The following ZZEF1 variants were observed in gnomAD, a reference collection of about 807,000 sequenced individuals.
The protein encoded by ZZEF1 is zinc finger ZZ-type and EF-hand domain-containing protein 1.
ZZEF1 carries 157 observed loss-of-function variants against 342.8 expected under a neutral mutation model. The ratio of observed to expected loss-of-function variants is 0.46; its 90% CI spans 0.40 to 0.52. The LOEUF (loss-of-function observed/expected upper bound fraction) is 0.52. Among genes scored for constraint, ZZEF1 ranks in the 20% least tolerant of loss-of-function variants. The pLI is 0.00. For missense variants in ZZEF1, 3,480 were observed against 3,725.6 expected (o/e 0.93, Z 1.72); for synonymous variants, 1,505 against 1,429.1 (o/e 1.05, Z -1.20).
At chr17:4,060,706 T>C (rs2057269551) in intron 30 of ZZEF1, among the ~76,000 whole-genome samples, 1 of 152,092 alleles carries the variant, frequency 6.6e-6, no homozygotes. Flanking sequence ...CCTTATATTT[T>C]ACTTTTTAAA....
intron 52 of ZZEF1, among the ~76,000 whole-genome samples, chr17:4,011,438 T>G (rs921157675): frequency 6.6e-6 from 1 of 151,494 alleles, no homozygotes; most frequent in African/African-American, 2.4e-5. Flanking sequence ...ACCATTGTTA[T>G]GATTTTCAGG....
chr17:4,006,623 T>C lies in ZZEF1; in HGVS notation c.*267A>G. ...AGTGACAGCCTCTGGAGAAGGCTGGTCTCTGAACCTTCTTAAGGGCCCCCT... is the reference window on the plus strand; with the variant it reads ...AGTGACAGCCTCTGGAGAAGGCTGGCCTCTGAACCTTCTTAAGGGCCCCCT... On this transcript the variant is annotated 3_prime_UTR_variant, in exon 55 of 55. Transcript: ENST00000381638. The C allele has an allele frequency of 2.0e-6, 1 of 501,788 alleles. No individual in the cohort carries two copies. 31.1% of individuals were successfully genotyped at this position (501,788 alleles called of 1,614,324 possible).
At chr17:4,039,842 C>T (rs112537495) in intron 39 of ZZEF1, among the ~76,000 whole-genome samples, 4,180 of 151,986 alleles carry the variant, frequency 0.028, 213 homozygotes, top group African/African-American at 0.095. Context: ...GATGGGGTTT[C>T]ACTGTGTTAG....
intron 46 of ZZEF1, among the ~76,000 whole-genome samples, chr17:4,018,570 A>T (rs1343946276): frequency 6.6e-6 from 1 of 152,218 alleles, no homozygotes; most frequent in East Asian, 1.9e-4. Flanking sequence ...ACACACAGAA[A>T]ACAGAAGTGA....
rs763691782 is a variant in ZZEF1, at chr17:4,034,169, T to C, written c.6430A>G (p.Ile2144Val). 3 of 1,614,124 alleles carry C rather than the reference T, an allele frequency of 1.9e-6. No individual in the cohort carries two copies. The East Asian group carries it at 6.7e-5, about 36-fold the overall frequency. ...ACCTCTGCTGGCAAAAGACGGATAA[T>C]TAACTGGCCGAGAAGACCCAGGGTG... is the stretch of plus-strand genomic sequence containing the variant. The part of the protein sequence containing the change: ...HLTLGLLGQL[I>V]IRLLPAEVDA... The change falls in exon 40 of 55, where the codon ATT becomes GTT. Residue 2144 changes from isoleucine (I) to valine (V), a missense_variant. Ile to Val is a conservative substitution (Grantham distance 29). This residue lies in a region of ZZEF1 where 1,269 missense variants were observed against 1,342.4 expected (regional missense o/e 0.95). Transcript: ENST00000381638.
At chr17:4,109,488 C>T (rs1168014513) in intron 6 of ZZEF1, among the ~76,000 whole-genome samples, 165 bp downstream of exon 6, 2 of 152,118 alleles carry the variant, frequency 1.3e-5, no homozygotes, top group Non-Finnish European at 2.9e-5. Context: ...AAGAGAGATA[C>T]ACTGTGGAGC....
chr17:4,133,568 G>C (rs9897753), intron 1 of ZZEF1, among the ~76,000 whole-genome samples: 1 of 151,994 alleles, frequency 6.6e-6, no homozygotes, highest in South Asian at 2.1e-4. Context: ...CACTCCCTCT[G>C]AATCTCAAGG....
rs201015510 is a variant in ZZEF1 at position 4,127,562 on chromosome 17, TTTC to T, written c.355-3514_355-3512del. 8.0e-3 allele frequency among the ~76,000 whole-genome samples: 1,211 copies of T among 152,222 alleles called. 13 individuals are homozygous for T. Among genetic ancestry groups the T allele is most frequent in the African/African-American group, 0.028 (1,154 of 41,526 alleles). ...TAGCTAATTCTACTCTTATTTCTAC[TTTC>T]TTATGTTTAAAACTTTCCTATTAAA... On this transcript the variant is annotated intron_variant, in intron 1 of 54. Transcript: ENST00000381638.
At chr17:4,048,243 T>C (rs942027473) in intron 37 of ZZEF1, among the ~76,000 whole-genome samples, 1 of 152,222 alleles carries the variant, frequency 6.6e-6, no homozygotes, top group African/African-American at 2.4e-5. Context: ...ATGTGGACGG[T>C]TGAGAGACAG....
At position 4,059,179 on chromosome 17, in the gene ZZEF1, T is replaced by G; in HGVS notation, c.4995A>C (p.Leu1665=). ...LVKAVKGFSS[L]NDRSLLPALS... ...ATAAAGTTATCCAGTACCTGTCATT[T>G]AGGCTACTAAATCCTTTAACTGCTT... The change falls in exon 31 of 55, where the codon CTA becomes CTC. Residue 1665 remains leucine, a synonymous_variant. Transcript: ENST00000381638. The G allele has an allele frequency of 6.3e-7, 1 of 1,588,328 alleles. No homozygotes were observed. The highest frequency in any genetic ancestry group is 1.4e-5 in the African/African-American group (1 of 73,434).
Position 4,064,779 on chromosome 17 carries a change from C to T in ZZEF1, c.4300G>A (p.Gly1434Ser). 3 of 1,610,264 alleles carry T rather than the reference C, an allele frequency of 1.9e-6. No homozygotes were observed. Among genetic ancestry groups the T allele is most frequent in the Non-Finnish European group, 2.5e-6 (3 of 1,178,508 alleles). Residue 1434 changes from glycine to serine, a missense_variant, in exon 29 of 55, where the codon GGC becomes AGC. Coordinates refer to ENST00000381638, the MANE Select transcript of ZZEF1 (RefSeq NM_015113.4). ...TCGCAGCTTTCTTTTGAACTTATGCCCGTGGGCAGAAATTTTAGTAATAGA... is the reference window on the plus strand; with the variant it reads ...TCGCAGCTTTCTTTTGAACTTATGCTCGTGGGCAGAAATTTTAGTAATAGA... The part of the protein sequence containing the change: ...SLLLLKFLPT[G>S]ISSKESCEKL...
chr17:4,091,494 AAG>A (rs1567833518), intron 11 of ZZEF1, among the ~76,000 whole-genome samples: 2 of 152,232 alleles, frequency 1.3e-5, no homozygotes, highest in African/African-American at 4.8e-5. Flanking sequence ...TTAAGTAACT[AAG>A]ATGTGCTGGG....
intron 39 of ZZEF1, among the ~76,000 whole-genome samples, chr17:4,038,312 C>G (rs1424778521): frequency 6.6e-6 from 1 of 152,178 alleles, no homozygotes; most frequent in Non-Finnish European, 1.5e-5. Context: ...CATTCAGATG[C>G]TCATCAAAAG....
intron 6 of ZZEF1, among the ~76,000 whole-genome samples, chr17:4,106,721 A>G (rs1250046807): frequency 1.3e-5 from 2 of 152,190 alleles, no homozygotes; most frequent in African/African-American, 4.8e-5. Flanking sequence ...GCAGTCATCA[A>G]AAATTTACGC....
At chr17:4,024,186 GT>G (rs754985234) in intron 43 of ZZEF1, among the ~76,000 whole-genome samples, 85 of 94,416 alleles carry the variant, frequency 9.0e-4, no homozygotes, top group African/African-American at 1.8e-3. Context: ...TATTGCCCAG[GT>G]TTTTTTTTTT....
chr17:4,122,684 C>A (rs777349116), intron 2 of ZZEF1, among the ~76,000 whole-genome samples: 2 of 152,114 alleles, frequency 1.3e-5, no homozygotes, highest in African/African-American at 4.8e-5. Context: ...TGTGCCCCGC[C>A]GGCATTGCTT....
At chr17:4,075,800 T>G (rs113599284) in intron 21 of ZZEF1, among the ~76,000 whole-genome samples, 1 of 149,908 alleles carries the variant, frequency 6.7e-6, no homozygotes, top group East Asian at 2.0e-4. Flanking sequence ...CTACTCTCCC[T>G]TCCTCTCCTA....
At chr17:4,027,756 C>T (rs577641856) in intron 42 of ZZEF1, among the ~76,000 whole-genome samples, 2 of 151,934 alleles carry the variant, frequency 1.3e-5, no homozygotes, top group African/African-American at 4.8e-5. Flanking sequence ...TGTGTCACCA[C>T]ACCTGGCTTT....
chr17:4,037,660 T>C (rs2056703507), intron 39 of ZZEF1, among the ~76,000 whole-genome samples: 1 of 152,254 alleles, frequency 6.6e-6, no homozygotes, highest in Admixed American at 6.5e-5. Context: ...CTTGGCTCCC[T>C]ATGACTTCGA....
Sources: allele counts gnomAD v4.1 joint callset (sites outside exome capture counted in the v4.1 genomes callset), GRCh38; gene constraint gnomAD v4.1.1; regional missense constraint gnomAD v4.1.1; transcripts MANE v1.5; gene names NCBI Gene and HGNC (gene_info 2026-07-23, HGNC 2026-07-21).